PCSK6: variants seen among roughly 807,000 people sequenced by gnomAD.
PCSK6 encodes paired basic amino acid cleaving enzyme 4.
PCSK6 carries 85 observed loss-of-function variants against 123.3 expected under a neutral mutation model. That is an observed-to-expected ratio of 0.69 (90% CI 0.58 to 0.83). PCSK6 has a LOEUF of 0.83. Among genes scored for constraint, PCSK6 ranks in the 40% least tolerant of loss-of-function variants. PCSK6 has a pLI of 0.00. For missense variants in PCSK6, 1,191 were observed against 1,282.3 expected (o/e 0.93, Z 1.09); for synonymous variants, 508 against 516.0 (o/e 0.98, Z 0.21).
rs190568937 is a variant in PCSK6, at chr15:101,403,563, T to C, written c.824-4987A>G. On this transcript the variant is annotated intron_variant, in intron 6 of 21. Transcript: ENST00000611716. ...CATACACGTTAGTTATAAAGCCTAA[T>C]AAAAAAACGGATACCCATGAACCCT... Among the ~76,000 whole-genome samples the C allele has an allele frequency of 3.3e-3, 500 of 152,054 alleles. 1 individual carries two copies. Among genetic ancestry groups the C allele is most frequent in the African/African-American group, 0.012 (481 of 41,462 alleles).
chr15:101,388,740 C>T (rs183685653), intron 9 of PCSK6, among the ~76,000 whole-genome samples: 253 of 152,262 alleles, frequency 1.7e-3, no homozygotes, highest in African/African-American at 5.9e-3. Flanking sequence ...AATTTTGATA[C>T]GTTCTACAAA....
chr15:101,355,906 C>G (rs937982066), intron 13 of PCSK6, among the ~76,000 whole-genome samples: 1 of 152,172 alleles, frequency 6.6e-6, no homozygotes, highest in Admixed American at 6.5e-5. Flanking sequence ...GCTGGGAAGG[C>G]TCCTCTCTTC....
At chr15:101,322,467 A>T in intron 18 of PCSK6, 53 bp downstream of exon 18, 1 of 1,268,290 alleles carries the variant, frequency 7.9e-7, no homozygotes, top group Non-Finnish European at 1.1e-6. Context: ...TCCATAACAC[A>T]CTCCAAGCAG....
At chr15:101,454,285 A>G (rs1307840960) in intron 1 of PCSK6, among the ~76,000 whole-genome samples, 1 of 152,242 alleles carries the variant, frequency 6.6e-6, no homozygotes, top group Non-Finnish European at 1.5e-5. Flanking sequence ...CTGTACCCGA[A>G]GATGTGAAAA....
chr15:101,399,284 T>A (rs190872681), intron 6 of PCSK6, among the ~76,000 whole-genome samples: 160 of 152,318 alleles, frequency 1.1e-3, no homozygotes, highest in African/African-American at 3.6e-3. Context: ...CTCTCTCCTT[T>A]ATAATTCCAC....
intron 19 of PCSK6, among the ~76,000 whole-genome samples, chr15:101,317,716 T>C (rs1418024090): frequency 6.6e-6 from 1 of 152,208 alleles, no homozygotes; most frequent in African/African-American, 2.4e-5. Context: ...GAGCATCTCT[T>C]ATCCCTTTCC....
chr15:101,347,877 C>T (rs1053390587), intron 13 of PCSK6: 13 of 844,350 alleles, frequency 1.5e-5, no homozygotes, highest in South Asian at 1.3e-4. Context: ...AGGAAGCGCC[C>T]GGGGTTGACA....
At chr15:101,346,981 G>A (rs1464627301) in intron 13 of PCSK6, 2 of 1,231,614 alleles carry the variant, frequency 1.6e-6, no homozygotes, top group African/African-American at 3.1e-5. Context: ...AAGAGAAAAG[G>A]AGGTAAAGAG....
At chr15:101,437,631 T>C (rs944060540) in intron 2 of PCSK6, among the ~76,000 whole-genome samples, 1 of 152,160 alleles carries the variant, frequency 6.6e-6, no homozygotes, top group Non-Finnish European at 1.5e-5. Context: ...TGCTTAACAG[T>C]CATGAGAGAG....
At chr15:101,348,042 C>A (rs1439650967) in intron 13 of PCSK6, among the ~76,000 whole-genome samples, 1 of 152,224 alleles carries the variant, frequency 6.6e-6, no homozygotes, top group Non-Finnish European at 1.5e-5. Flanking sequence ...CTTGGGTAAA[C>A]CTTCCTTCTG....
intron 1 of PCSK6, among the ~76,000 whole-genome samples, chr15:101,488,725 C>T (rs920998463): frequency 1.3e-5 from 2 of 151,986 alleles, no homozygotes; most frequent in Non-Finnish European, 2.9e-5. Context: ...AGGTTTTAAA[C>T]CCAGGACCCC....
chr15:101,459,383 G>C (rs1314803927), intron 1 of PCSK6, among the ~76,000 whole-genome samples: 2 of 151,820 alleles, frequency 1.3e-5, no homozygotes, highest in African/African-American at 4.8e-5. Context: ...TACCAGGAAA[G>C]GACAAATCCA....
chr15:101,374,057 G>A (rs1344380647), intron 11 of PCSK6, among the ~76,000 whole-genome samples: 2 of 152,216 alleles, frequency 1.3e-5, no homozygotes, highest in Non-Finnish European at 2.9e-5. Flanking sequence ...ACCGTGCGTT[G>A]TTGAAGCCAG....
At chr15:101,459,073 C>T (rs996535262) in intron 1 of PCSK6, among the ~76,000 whole-genome samples, 2 of 152,126 alleles carry the variant, frequency 1.3e-5, no homozygotes, top group Admixed American at 1.3e-4. Flanking sequence ...GAAGAGAAAC[C>T]CTCTCCAGGC....
rs185695351 is a variant in PCSK6, at chr15:101,421,180, A to T, written c.823+6712T>A. On this transcript the variant is annotated intron_variant, in intron 6 of 21. Coordinates refer to ENST00000611716, the MANE Select transcript of PCSK6 (RefSeq NM_002570.5). ...AGGCTGTTCGGGAACTCCTGACCTC[A>T]GGTGATCTGCTCACCTCCGCCTCTC... Among the ~76,000 whole-genome samples the T allele has an allele frequency of 2.4e-3, 372 of 152,288 alleles. 2 individuals are homozygous for T. The highest frequency in any genetic ancestry group is 8.5e-3 in the African/African-American group (353 of 41,554).
intron 6 of PCSK6, among the ~76,000 whole-genome samples, chr15:101,413,998 G>A (rs924048495): frequency 4.6e-5 from 7 of 152,046 alleles, no homozygotes; most frequent in African/African-American, 9.7e-5. Flanking sequence ...ATGGAAAAAC[G>A]TATACTGTAC....
intron 15 of PCSK6, 80 bp downstream of exon 15, chr15:101,331,571 C>G: frequency 3.0e-6 from 4 of 1,344,438 alleles, no homozygotes; most frequent in Non-Finnish European, 4.2e-6. Flanking sequence ...GGGGCAAGAC[C>G]CCATTCTGGT....
intron 6 of PCSK6, among the ~76,000 whole-genome samples, chr15:101,411,871 T>C (rs1048243470): frequency 3.3e-5 from 5 of 152,176 alleles, no homozygotes; most frequent in Non-Finnish European, 7.4e-5. Flanking sequence ...CCCACTTGCA[T>C]GGTGCCAGCA....
Position 101,305,640 on chromosome 15 carries a change from A to G in PCSK6, c.2813-285T>C, listed in dbSNP as rs2516529. 42,842 of 333,934 alleles carry G rather than the reference A, an allele frequency of 0.13. 3,212 individuals carry two copies. The highest frequency in any genetic ancestry group is 0.21 in the African/African-American group (9,811 of 47,230). The allele number at this position is 333,934 out of a possible 1,614,324, so 20.7% of individuals were successfully genotyped here. A position where few individuals can be genotyped will look rare whatever the true frequency, so the allele number is the denominator to read the frequency against. On this transcript the variant is annotated intron_variant, in intron 21 of 21. Transcript: ENST00000611716. This position sits in a 1 kb window ranked among gnomAD's most constrained non-coding sequence, Gnocchi z 4.8. ...GGAGAACCACCTGAACCCAGGAGGC[A>G]GAGGTTGCAGTGAGCTGAGATCATG... is the stretch of plus-strand genomic sequence containing the variant.
Sources: allele counts gnomAD v4.1 joint callset (sites outside exome capture counted in the v4.1 genomes callset), GRCh38; gene constraint gnomAD v4.1.1; non-coding constraint Gnocchi (gnomAD v3.1); transcripts MANE v1.5; gene names NCBI Gene and HGNC (gene_info 2026-07-23, HGNC 2026-07-21).